The following GNB4 variants were observed in gnomAD, a reference collection of about 807,000 sequenced individuals.
The protein encoded by GNB4 is guanine nucleotide-binding protein subunit beta-4.
Under a neutral mutation model 45.2 loss-of-function variants are expected in GNB4, and 28 were observed. The observed-to-expected ratio is 0.62, with a 90% confidence interval of 0.46 to 0.85. The LOEUF (loss-of-function observed/expected upper bound fraction) is 0.85, where lower values mean the gene tolerates loss of function less well. Ranked by LOEUF, GNB4 falls within the 40% of genes least tolerant of loss-of-function variation. The probability of loss-of-function intolerance (pLI) is 0.00; values close to 1 mark genes in which losing one functional copy is unlikely to be tolerated. For synonymous variants in GNB4, 132 were observed against 143.7 expected, an observed-to-expected ratio of 0.92 and a Z score of 0.58; for missense variants, 321 against 425.4, an observed-to-expected ratio of 0.75 and a Z score of 2.16.
chr3:179,399,456 G>T lies in GNB4; in HGVS notation c.*1757C>A, dbSNP rs1006363981. 2.6e-5 allele frequency: 4 copies of T among 152,164 alleles called. 1 individual carries two copies. Among genetic ancestry groups the T allele is most frequent in the Admixed American group, 2.6e-4 (4 of 15,262 alleles). 9.4% of individuals were successfully genotyped at this position (152,164 alleles called of 1,614,324 possible). A position where few individuals can be genotyped will look rare whatever the true frequency, so the allele number is the denominator to read the frequency against. The stretch of plus-strand genomic sequence containing the variant: ...GACCTCAAGTGATCTGCCCACCTTG[G>T]CCTCCCAAATTGCTGGGATTATAGG... On this transcript the variant is annotated 3_prime_UTR_variant, in exon 10 of 10. Coordinates refer to ENST00000232564, the MANE Select transcript of GNB4 (RefSeq NM_021629.4).
At chr3:179,459,685 C>CA in the GNB4 span, among the ~76,000 whole-genome samples, 47 of 132,908 alleles carry the variant, frequency 3.5e-4, no homozygotes, top group African/African-American at 1.1e-3. Flanking sequence ...TCCATCTTAA[C>CA]AAAAAAAAGA....
rs554332843 is a variant in GNB4, at chr3:179,404,665, TTAAGTA to T, written c.916+519_916+524del. Among the ~76,000 whole-genome samples, 318 of 152,322 alleles carry T rather than the reference TTAAGTA, an allele frequency of 2.1e-3. 2 individuals carry two copies. The highest frequency in any genetic ancestry group is 6.9e-3 in the African/African-American group (288 of 41,580). The stretch of plus-strand genomic sequence containing the variant: ...AGCTATATAGGACAACTGGATTCCT[TTAAGTA>T]TAATTTTGATTTTTAAAAATAGCTA... On this transcript the variant is annotated intron_variant, in intron 9 of 9. Transcript: ENST00000232564.
the GNB4 span, among the ~76,000 whole-genome samples, chr3:179,468,463 C>T: frequency 6.6e-6 from 1 of 151,502 alleles, no homozygotes; most frequent in Admixed American, 6.6e-5. Context: ...CCATTGCACT[C>T]CAGACCGGGC....
At chr3:179,519,813 A>C in the GNB4 span, among the ~76,000 whole-genome samples, 1 of 152,016 alleles carries the variant, frequency 6.6e-6, no homozygotes, top group Non-Finnish European at 1.5e-5. Context: ...CATCCCATTA[A>C]AATCTAATCA....
chr3:179,462,901 A>C, the GNB4 span, among the ~76,000 whole-genome samples: 2 of 152,200 alleles, frequency 1.3e-5, no homozygotes, highest in Non-Finnish European at 2.9e-5. Flanking sequence ...AAATCATTTT[A>C]AGTAAAAAGA....
At chr3:179,515,928 T>C in the GNB4 span, among the ~76,000 whole-genome samples, 3 of 152,134 alleles carry the variant, frequency 2.0e-5, no homozygotes, top group African/African-American at 7.2e-5. Flanking sequence ...TTGTATAGAA[T>C]GGTTGGTGAT....
intron 9 of GNB4, among the ~76,000 whole-genome samples, chr3:179,401,623 C>T (rs940835769): frequency 6.6e-6 from 1 of 152,140 alleles, no homozygotes; most frequent in Admixed American, 6.5e-5. Flanking sequence ...CATATGCAGA[C>T]AATTATTCCA....
intron 2 of GNB4, among the ~76,000 whole-genome samples, chr3:179,425,532 G>A (rs984318057): frequency 1.1e-4 from 16 of 152,116 alleles, no homozygotes; most frequent in African/African-American, 3.4e-4. Context: ...GTGCAGTGGC[G>A]TGAGTTCAGC....
At chr3:179,436,894 T>G (rs1046521517) in intron 1 of GNB4, among the ~76,000 whole-genome samples, 2 of 152,240 alleles carry the variant, frequency 1.3e-5, no homozygotes, top group African/African-American at 4.8e-5. Flanking sequence ...GAAGGTAGGC[T>G]GTTTTGTGTT....
At chr3:179,480,841 A>ATTTTTTTTTTTTTTTTTTTTTTTTTT in the GNB4 span, among the ~76,000 whole-genome samples, 1 of 136,648 alleles carries the variant, frequency 7.3e-6, no homozygotes, top group Admixed American at 7.4e-5. Context: ...AACTGATTTC[A>ATTTTTTTTTTTTTTTTTTTTTTTTTT]TTTTTTTTTT....
At chr3:179,486,704 A>G in the GNB4 span, among the ~76,000 whole-genome samples, 1 of 152,218 alleles carries the variant, frequency 6.6e-6, no homozygotes, top group Non-Finnish European at 1.5e-5. Flanking sequence ...GGAGGTTGAC[A>G]CTGGCCAGCC....
the GNB4 span, among the ~76,000 whole-genome samples, chr3:179,477,195 T>C: frequency 6.6e-6 from 1 of 152,098 alleles, no homozygotes; most frequent in African/African-American, 2.4e-5. Flanking sequence ...TTTACTCTCC[T>C]GAACACACTT....
At position 179,400,569 on chromosome 3, in the gene GNB4, A is replaced by G. The variant is rs1053451365; in HGVS notation, c.*644T>C. The G allele has an allele frequency of 1.3e-5, 2 of 152,214 alleles. No homozygotes were observed. The highest frequency in any genetic ancestry group is 2.9e-5 in the Non-Finnish European group (2 of 68,030). The allele number at this position is 152,214 out of a possible 1,614,324, so 9.4% of individuals were successfully genotyped here. On this transcript the variant is annotated 3_prime_UTR_variant, in exon 10 of 10. Coordinates refer to ENST00000232564, the MANE Select transcript of GNB4 (RefSeq NM_021629.4). ...TGTCCAAAATATCAGTGAAATCTCTAATCTCTGGCCTTCAGATTATCTGTC... is the reference window on the plus strand; with the variant it reads ...TGTCCAAAATATCAGTGAAATCTCTGATCTCTGGCCTTCAGATTATCTGTC...
At chr3:179,434,475 C>G (rs979761833) in intron 1 of GNB4, among the ~76,000 whole-genome samples, 1 of 152,070 alleles carries the variant, frequency 6.6e-6, no homozygotes, top group African/African-American at 2.4e-5. Flanking sequence ...AATCTCAGAG[C>G]TTTGAGAGGC....
chr3:179,414,848 A>C, intron 6 of GNB4, 37 bp downstream of exon 6: 2 of 1,504,334 alleles, frequency 1.3e-6, no homozygotes, highest in Non-Finnish European at 1.8e-6. Flanking sequence ...CCACACAAGG[A>C]ATCGTGTGGT....
At chr3:179,420,832 CTA>C (rs1714958308) in intron 3 of GNB4, 55 bp downstream of exon 3, 3 of 1,039,548 alleles carry the variant, frequency 2.9e-6, no homozygotes, top group Non-Finnish European at 4.5e-6. Flanking sequence ...TCATTTGCCT[CTA>C]TGTCAAATTA....
the GNB4 span, among the ~76,000 whole-genome samples, chr3:179,458,834 G>T: frequency 6.6e-6 from 1 of 152,226 alleles, no homozygotes; most frequent in East Asian, 1.9e-4. Context: ...GATATGGAAG[G>T]CTAACTATAT....
chr3:179,426,212 G>C lies in GNB4; in HGVS notation c.-12C>G. Reference sequence around the variant, plus strand: ...TCCAGTTCGCTCATTTTTTCAATTTGTTTACCTCAGGAGCTAATGAGTGAA... The same window carrying C: ...TCCAGTTCGCTCATTTTTTCAATTTCTTTACCTCAGGAGCTAATGAGTGAA... On this transcript the variant is annotated 5_prime_UTR_variant, in exon 2 of 10. Transcript: ENST00000232564. 1 of 1,589,472 alleles carries C rather than the reference G, an allele frequency of 6.3e-7. No homozygotes were observed.
the GNB4 span, among the ~76,000 whole-genome samples, chr3:179,520,293 T>C: frequency 1.3e-5 from 2 of 151,960 alleles, no homozygotes; most frequent in South Asian, 4.2e-4. Context: ...TATCTCGGCA[T>C]AATTCTCATA....
Sources: gnomAD v4.1 joint callset for allele counts (sites outside exome capture counted in the v4.1 genomes callset) on GRCh38, gnomAD v4.1.1 for gene constraint, MANE v1.5 for transcripts, NCBI Gene and HGNC (gene_info 2026-07-23, HGNC 2026-07-21) for gene names.